Variants in STOX2 observed in about 807,000 individuals in gnomAD.
STOX2 encodes the protein storkhead-box protein 2.
STOX2 carries 28 observed loss-of-function variants against 60.9 expected under a neutral mutation model. The observed-to-expected ratio is 0.46, with a 90% confidence interval of 0.34 to 0.63. The LOEUF (loss-of-function observed/expected upper bound fraction) is 0.63. STOX2 is among the 30% of genes least tolerant of loss of function. The probability of loss-of-function intolerance (pLI) is 0.01; values close to 1 mark genes in which losing one functional copy is unlikely to be tolerated. For synonymous variants in STOX2, 472 were observed against 463.9 expected, an observed-to-expected ratio of 1.02 and a Z score of -0.22; for missense variants, 1,024 against 1,187.7, an observed-to-expected ratio of 0.86 and a Z score of 2.03.
intron 1 of STOX2, among the ~76,000 whole-genome samples, chr4:183,944,786 A>G (rs1393692230): frequency 3.3e-5 from 5 of 152,264 alleles, no homozygotes; most frequent in African/African-American, 7.2e-5. Flanking sequence ...GAGCACCTCA[A>G]TATGACAACT....
chr4:184,020,261 GC>G lies in STOX2; in HGVS notation c.*2979del, dbSNP rs1553989605. ...TTCCATCGCCATGGCTTTCTCTTAC[GC>G]CGCTGTTTGGCTTTCAGATGTAATC... On this transcript the variant is annotated 3_prime_UTR_variant, in exon 4 of 4. Coordinates refer to ENST00000308497, the MANE Select transcript of STOX2 (RefSeq NM_020225.3). 1 of 151,972 alleles carries G rather than the reference GC, an allele frequency of 6.6e-6. No homozygotes were observed. Among genetic ancestry groups the G allele is most frequent in the Non-Finnish European group, 1.5e-5 (1 of 68,028 alleles). 9.4% of individuals were successfully genotyped at this position (151,972 alleles called of 1,614,324 possible).
At chr4:183,897,947 A>G (rs1235381157) in intron 1 of STOX2, among the ~76,000 whole-genome samples, 5 of 152,230 alleles carry the variant, frequency 3.3e-5, no homozygotes, top group Admixed American at 3.3e-4. Flanking sequence ...TAATATTGAA[A>G]CAAATTGCTG....
chr4:183,927,316 C>T (rs1742269575), intron 1 of STOX2, among the ~76,000 whole-genome samples: 1 of 152,160 alleles, frequency 6.6e-6, no homozygotes, highest in Admixed American at 6.5e-5. Context: ...GCAGCACCTG[C>T]TTCATGGGAT....
In STOX2 at chr4:184,019,871, A is replaced by G. The variant is rs1467476307; in HGVS notation, c.*2587A>G. 1 of 152,214 alleles carries G rather than the reference A, an allele frequency of 6.6e-6. No individual in the cohort carries two copies. Among genetic ancestry groups the G allele is most frequent in the Non-Finnish European group, 1.5e-5 (1 of 68,042 alleles). The allele number at this position is 152,214 out of a possible 1,614,324, so 9.4% of individuals were successfully genotyped here. On this transcript the variant is annotated 3_prime_UTR_variant, in exon 4 of 4. Coordinates refer to ENST00000308497, the MANE Select transcript of STOX2 (RefSeq NM_020225.3). ...ACGGTGAGGCTCTCGGTCCCGGAAC[A>G]GTGGGGGCCTCGCCAGGCGTTGCCA...
chr4:183,997,266 C>A (rs1219129500), intron 1 of STOX2, among the ~76,000 whole-genome samples: 3 of 152,108 alleles, frequency 2.0e-5, no homozygotes, highest in Non-Finnish European at 2.9e-5. Context: ...AAAGGTCGAC[C>A]CAAGGAGCAT....
intron 1 of STOX2, among the ~76,000 whole-genome samples, chr4:183,866,611 G>A (rs1740573649): frequency 6.6e-6 from 1 of 152,194 alleles, no homozygotes; most frequent in Non-Finnish European, 1.5e-5. Context: ...CGGCAATGAT[G>A]TGTTTGCATT....
chr4:183,844,690 T>C (rs1328841437), intron 1 of STOX2, among the ~76,000 whole-genome samples: 1 of 152,226 alleles, frequency 6.6e-6, no homozygotes, highest in Non-Finnish European at 1.5e-5. Context: ...TGGGAGAGAC[T>C]GTAGGTAGGA....
chr4:183,989,991 C>G (rs974955126), intron 1 of STOX2, among the ~76,000 whole-genome samples: 27 of 152,310 alleles, frequency 1.8e-4, no homozygotes, highest in African/African-American at 6.5e-4. Context: ...TGAACATCTT[C>G]TTTCTCTTCG....
chr4:183,828,744 C>T (rs1313043884), intron 1 of STOX2, among the ~76,000 whole-genome samples: 2 of 152,218 alleles, frequency 1.3e-5, no homozygotes, highest in Non-Finnish European at 2.9e-5. Context: ...CTGTGAAATA[C>T]TTCTGTTTGC....
At chr4:183,931,406 A>G (rs1161613456) in intron 1 of STOX2, among the ~76,000 whole-genome samples, 1 of 152,178 alleles carries the variant, frequency 6.6e-6, no homozygotes, top group Non-Finnish European at 1.5e-5. Context: ...CCTGGGCGAC[A>G]GAGTAAGACT....
At chr4:183,805,812 A>G (rs1408076380) in intron 1 of STOX2, among the ~76,000 whole-genome samples, 1 of 152,196 alleles carries the variant, frequency 6.6e-6, no homozygotes, top group East Asian at 1.9e-4. Flanking sequence ...GACCCTATCT[A>G]AATAAATACA....
intron 1 of STOX2, among the ~76,000 whole-genome samples, chr4:183,802,921 CG>C (rs1475866527): frequency 1.3e-5 from 2 of 152,110 alleles, no homozygotes; most frequent in Non-Finnish European, 2.9e-5. Context: ...GCACCCGGCC[CG>C]TATCAGTCCA....
At chr4:183,864,997 G>C (rs1319937973) in intron 1 of STOX2, among the ~76,000 whole-genome samples, 2 of 152,160 alleles carry the variant, frequency 1.3e-5, no homozygotes, top group Non-Finnish European at 2.9e-5. Context: ...CGGTATGAAA[G>C]ATCACAGTTC....
At chr4:183,882,916 C>T (rs909835366) in intron 1 of STOX2, among the ~76,000 whole-genome samples, 1 of 152,168 alleles carries the variant, frequency 6.6e-6, no homozygotes, top group Non-Finnish European at 1.5e-5. Flanking sequence ...ATATTCTTTA[C>T]CTCTGTCCAG....
chr4:184,002,651 G>A (rs1413701533), intron 2 of STOX2, among the ~76,000 whole-genome samples: 7 of 152,202 alleles, frequency 4.6e-5, no homozygotes, highest in Admixed American at 2.6e-4. Context: ...CCCATGGCAC[G>A]AAGGCTCTTC....
At chr4:183,926,001 C>T (rs946754212) in intron 1 of STOX2, among the ~76,000 whole-genome samples, 1 of 152,078 alleles carries the variant, frequency 6.6e-6, no homozygotes, top group Non-Finnish European at 1.5e-5. Context: ...CATCGCCAAA[C>T]TCCAAATTGG....
chr4:183,924,043 A>C (rs576745192), intron 1 of STOX2, among the ~76,000 whole-genome samples: 1 of 152,154 alleles, frequency 6.6e-6, no homozygotes, highest in South Asian at 2.1e-4. Flanking sequence ...GGGGTCCAGA[A>C]CTTTATATTT....
At chr4:183,835,441 G>T (rs1739683583) in intron 1 of STOX2, among the ~76,000 whole-genome samples, 2 of 152,018 alleles carry the variant, frequency 1.3e-5, no homozygotes, top group Admixed American at 1.3e-4. Context: ...AGCCAGGATG[G>T]TCTTGATCTC....
At chr4:183,840,188 T>C (rs1186759701) in intron 1 of STOX2, among the ~76,000 whole-genome samples, 4 of 152,186 alleles carry the variant, frequency 2.6e-5, no homozygotes, top group African/African-American at 9.6e-5. Context: ...AAGTCTTTTG[T>C]ATTTAGATTG....
Sources: allele counts gnomAD v4.1 joint callset (sites outside exome capture counted in the v4.1 genomes callset), GRCh38; gene constraint gnomAD v4.1.1; transcripts MANE v1.5; gene names NCBI Gene and HGNC (gene_info 2026-07-23, HGNC 2026-07-21).